The following KIAA0930 variants were observed in gnomAD, a reference collection of about 807,000 sequenced individuals.
KIAA0930 encodes uncharacterized protein KIAA0930.
A neutral mutation model predicts 43.9 loss-of-function variants in KIAA0930; 24 were observed. The observed-to-expected ratio is 0.55, with a 90% CI of 0.40 to 0.77. The LOEUF is 0.77. Ranked by LOEUF, KIAA0930 falls within the 30% of genes least tolerant of loss-of-function variation. The pLI is 0.00. For missense variants in KIAA0930, 461 were observed against 574.2 expected, an observed-to-expected ratio of 0.80 and a Z score of 2.02; for synonymous variants, 259 against 216.4, an observed-to-expected ratio of 1.20 and a Z score of -1.73.
At chr22:45,219,215 G>C (rs1298108031) in intron 1 of KIAA0930, among the ~76,000 whole-genome samples, 1 of 152,078 alleles carries the variant, frequency 6.6e-6, no homozygotes, top group Non-Finnish European at 1.5e-5. Context: ...AGTAAAATCA[G>C]AACAGCTGCC....
intron 1 of KIAA0930, among the ~76,000 whole-genome samples, chr22:45,221,207 G>C (rs571346405): frequency 3.3e-5 from 5 of 152,156 alleles, no homozygotes; most frequent in African/African-American, 1.2e-4. Context: ...TGTCACTATC[G>C]AATATATATT....
Position 45,203,586 on chromosome 22 carries a change from G to C in KIAA0930, c.657+259C>G, listed in dbSNP as rs548951892. On this transcript the variant is annotated intron_variant, in intron 6 of 9. Transcript: ENST00000336156. ...ACACCATCAGCCATCACTTCCCAGG[G>C]AACTAGAGACTGAGGAGGAAGTTCC... Among the ~76,000 whole-genome samples, 38 of 152,302 alleles carry C rather than the reference G, an allele frequency of 2.5e-4. No homozygotes were observed. In the East Asian group the frequency reaches 6.8e-3, roughly 27 times the overall value.
In KIAA0930 at chr22:45,197,127, A is replaced by C; in HGVS notation, c.*49T>G. On this transcript the variant is annotated 3_prime_UTR_variant, in exon 10 of 10. Transcript: ENST00000336156. Reference sequence around the variant, plus strand: ...GGTGGACAGGTAGGCACTTGGCAGCACTCCGAGGGCTGGGCCCGGCCGGGG... The same window carrying C: ...GGTGGACAGGTAGGCACTTGGCAGCCCTCCGAGGGCTGGGCCCGGCCGGGG... The C allele has an allele frequency of 6.8e-7, 1 of 1,479,612 alleles. No individual in the cohort carries two copies. The highest frequency in any genetic ancestry group is 9.1e-7 in the Non-Finnish European group (1 of 1,100,880). The allele number at this position is 1,479,612 out of a possible 1,614,324, so 91.7% of individuals were successfully genotyped here. A position where few individuals can be genotyped will look rare whatever the true frequency, so the allele number is the denominator to read the frequency against.
intron 1 of KIAA0930, among the ~76,000 whole-genome samples, chr22:45,238,917 C>A (rs1469092661): frequency 6.7e-6 from 1 of 150,270 alleles, no homozygotes; most frequent in South Asian, 2.1e-4. Flanking sequence ...TCAGGCTCTT[C>A]ATCGCTGATA....
At chr22:45,225,741 C>A (rs948684457) in intron 1 of KIAA0930, among the ~76,000 whole-genome samples, 5 of 152,230 alleles carry the variant, frequency 3.3e-5, no homozygotes, top group African/African-American at 1.2e-4. Flanking sequence ...ACCGGCCTTC[C>A]CTGACCCAGC....
At position 45,240,752 on chromosome 22, in the gene KIAA0930, GGC is replaced by G; in HGVS notation, c.-51_-50del. 1 of 958,816 alleles carries G rather than the reference GGC, an allele frequency of 1.0e-6. No individual in the cohort carries two copies. The highest frequency in any genetic ancestry group is 1.3e-6 in the Non-Finnish European group (1 of 783,490). The allele number at this position is 958,816 out of a possible 1,614,324, so 59.4% of individuals were successfully genotyped here. On this transcript the variant is annotated 5_prime_UTR_variant, in exon 1 of 10. Coordinates refer to ENST00000336156, the MANE Select transcript of KIAA0930 (RefSeq NM_001009880.2). ...CCTCGGCGCCGCCCGCAGGCTCGGG[GGC>G]GGCGGCGGCGGGGAGGGCGGGCGGC... is the stretch of plus-strand genomic sequence containing the variant.
intron 1 of KIAA0930, among the ~76,000 whole-genome samples, chr22:45,222,803 G>C (rs899129507): frequency 1.3e-5 from 2 of 151,546 alleles, no homozygotes; most frequent in Non-Finnish European, 3.0e-5. Context: ...GAAAGCAGAA[G>C]GAAATATAAG....
Position 45,200,016 on chromosome 22 carries a change from G to A in KIAA0930, c.872C>T (p.Pro291Leu). 1 of 1,596,040 alleles carries A rather than the reference G, an allele frequency of 6.3e-7. No individual in the cohort carries two copies. Among genetic ancestry groups the A allele is most frequent in the Non-Finnish European group, 8.5e-7 (1 of 1,171,370 alleles). ...CCGGTTGTTCCGTTCTGGGGTGGGG[G>A]GTGTGCTGAAGGAGGTCACCTGGGA... ...MHERVTSFST[P>L]PTPERNNRPA... The change falls in exon 8 of 10, where the codon CCC becomes CTC. Residue 291 changes from proline to leucine, a missense_variant. Transcript: ENST00000336156.
chr22:45,235,781 T>C (rs534324142), intron 1 of KIAA0930, among the ~76,000 whole-genome samples: 3 of 152,178 alleles, frequency 2.0e-5, no homozygotes, highest in South Asian at 4.1e-4. Context: ...CCTAGAGAAT[T>C]TGTGGTCTCC....
At chr22:45,206,001 A>G in intron 2 of KIAA0930, 89 bp from the exon 3 acceptor site, 1 of 1,549,712 alleles carries the variant, frequency 6.5e-7, no homozygotes, top group Admixed American at 1.9e-5. Flanking sequence ...TACGATGGAC[A>G]AGGACTCCAA....
intron 2 of KIAA0930, among the ~76,000 whole-genome samples, chr22:45,210,586 C>G (rs1042880611): frequency 6.6e-6 from 1 of 152,158 alleles, no homozygotes; most frequent in Admixed American, 6.5e-5. Flanking sequence ...ATATGGTAAA[C>G]CAGGGAAAAA....
chr22:45,231,984 C>T (rs983370376), intron 1 of KIAA0930, among the ~76,000 whole-genome samples: 1 of 152,216 alleles, frequency 6.6e-6, no homozygotes, highest in African/African-American at 2.4e-5. Flanking sequence ...GAGCGAGACT[C>T]CCTCTCAAAA....
intron 1 of KIAA0930, among the ~76,000 whole-genome samples, chr22:45,215,416 A>G (rs1294205540): frequency 6.6e-6 from 1 of 152,204 alleles, no homozygotes; most frequent in Non-Finnish European, 1.5e-5. Flanking sequence ...TCTCACTCCT[A>G]TGCATCTACC....
At chr22:45,236,490 T>C (rs1293286136) in intron 1 of KIAA0930, among the ~76,000 whole-genome samples, 1 of 152,028 alleles carries the variant, frequency 6.6e-6, no homozygotes, top group East Asian at 1.9e-4. Context: ...ACCCCTCCCA[T>C]GGGCCACGCT....
intron 1 of KIAA0930, among the ~76,000 whole-genome samples, chr22:45,239,989 C>A (rs1470334621): frequency 6.6e-6 from 1 of 152,098 alleles, no homozygotes; most frequent in Non-Finnish European, 1.5e-5. Context: ...ATACGAGGCA[C>A]CCCCATCCCA....
intron 2 of KIAA0930, among the ~76,000 whole-genome samples, chr22:45,209,181 C>T (rs888079345): frequency 1.3e-5 from 2 of 152,234 alleles, no homozygotes; most frequent in Admixed American, 1.3e-4. Context: ...GGAGGCCCGG[C>T]TGGTTGCTAT....
rs980930902 is a variant in KIAA0930 at position 45,240,746 on chromosome 22, C to T, written c.-43G>A. ...CCTCGGCCTCGGCGCCGCCCGCAGGCTCGGGGGCGGCGGCGGCGGGGAGGG... is the reference window on the plus strand; with the variant it reads ...CCTCGGCCTCGGCGCCGCCCGCAGGTTCGGGGGCGGCGGCGGCGGGGAGGG... On this transcript the variant is annotated 5_prime_UTR_variant, in exon 1 of 10. Coordinates refer to ENST00000336156, the MANE Select transcript of KIAA0930 (RefSeq NM_001009880.2). 7.4e-6 allele frequency: 8 copies of T among 1,086,084 alleles called. No individual in the cohort carries two copies. The highest frequency in any genetic ancestry group is 4.5e-6 in the Non-Finnish European group (4 of 884,590). 67.3% of individuals were successfully genotyped at this position (1,086,084 alleles called of 1,614,324 possible).
rs1457165010 is a variant in KIAA0930, at chr22:45,240,661, G to T, written c.43C>A (p.Arg15Ser). 6 of 1,522,808 alleles carry T rather than the reference G, an allele frequency of 3.9e-6. No homozygotes were observed. In the African/African-American group the frequency reaches 5.6e-5, roughly 14 times the overall value. The allele number at this position is 1,522,808 out of a possible 1,614,324, so 94.3% of individuals were successfully genotyped here. A position where few individuals can be genotyped will look rare whatever the true frequency, so the allele number is the denominator to read the frequency against. Residue 15 changes from arginine to serine, a missense_variant, in exon 1 of 10, where the codon CGC (arginine) becomes AGC (serine). Arg to Ser is a moderately radical substitution (Grantham distance 110). Coordinates refer to ENST00000336156, the MANE Select transcript of KIAA0930 (RefSeq NM_001009880.2). ...TCACCGAGGCCGCAGACCTCGCGGCGCAGGCTAAGACGGCCGCGCTCCTCC... is the reference window on the plus strand; with the variant it reads ...TCACCGAGGCCGCAGACCTCGCGGCTCAGGCTAAGACGGCCGCGCTCCTCC... ...IAEERGRLSL[R>S]REVCGLGCFK...
intron 1 of KIAA0930, among the ~76,000 whole-genome samples, chr22:45,234,392 C>CA (rs1468610237): frequency 1.3e-5 from 2 of 152,224 alleles, no homozygotes. Context: ...CACAGACTGG[C>CA]AAGGCATGGG....
Sources: allele counts gnomAD v4.1 joint callset (sites outside exome capture counted in the v4.1 genomes callset), GRCh38; gene constraint gnomAD v4.1.1; transcripts MANE v1.5; gene names NCBI Gene and HGNC (gene_info 2026-07-23, HGNC 2026-07-21).